RNF130: variants seen among roughly 807,000 people sequenced by gnomAD.
RNF130 encodes the protein E3 ubiquitin-protein ligase RNF130.
Under a neutral mutation model 44.6 loss-of-function variants are expected in RNF130, and 21 were observed. That is an observed-to-expected ratio of 0.47 (90% confidence interval 0.33 to 0.68). The LOEUF (loss-of-function observed/expected upper bound fraction) is 0.68, where lower values mean the gene tolerates loss of function less well. Among genes scored for constraint, RNF130 ranks in the 30% least tolerant of loss-of-function variants. The pLI is 0.02. For missense variants in RNF130, 479 were observed against 560.6 expected, an observed-to-expected ratio of 0.85 and a Z score of 1.47; for synonymous variants, 214 against 210.4, an observed-to-expected ratio of 1.02 and a Z score of -0.15.
chr5:180,058,044 C>A (rs1582228273), intron 1 of RNF130, among the ~76,000 whole-genome samples: 1 of 152,166 alleles, frequency 6.6e-6, no homozygotes, highest in South Asian at 2.1e-4. Flanking sequence ...AAAATCCACA[C>A]ATTTGGTATC....
chr5:179,945,916 G>A (rs1762030377), intron 7 of RNF130, among the ~76,000 whole-genome samples: 1 of 39,092 alleles, frequency 2.6e-5, no homozygotes, highest in Non-Finnish European at 7.1e-5. Flanking sequence ...GAAAAAGGCG[G>A]GGGCAGGGAT....
rs56691249 is a variant in RNF130 at position 180,019,383 on chromosome 5, C to CAA, written c.443-6074_443-6073dup. Reference sequence around the variant, plus strand: ...TGGGCGACAGAGCGAGACTCTGTCTCAAAAAAAAAAAAAAAAATCACTTTG... The same window carrying CAA: ...TGGGCGACAGAGCGAGACTCTGTCTCAAAAAAAAAAAAAAAAAAATCACTTTG... On this transcript the variant is annotated intron_variant, in intron 2 of 8. Transcript: ENST00000521389. Among the ~76,000 whole-genome samples the CAA allele has an allele frequency of 4.1e-3, 462 of 111,802 alleles. 4 individuals are homozygous for CAA. The highest frequency in any genetic ancestry group is 0.013 in the Middle Eastern group (3 of 226). 73.3% of individuals were successfully genotyped at this position (111,802 alleles called of 152,430 possible).
At position 179,920,791 on chromosome 5, in the gene RNF130, A is replaced by ATT. The variant is rs1385471717; in HGVS notation, c.1151-366_1151-365insAA. Among the ~76,000 whole-genome samples, 58 of 134,900 alleles carry ATT rather than the reference A, an allele frequency of 4.3e-4. 1 individual carries two copies. The highest frequency in any genetic ancestry group is 1.9e-3 in the African/African-American group (53 of 28,282). The allele number at this position is 134,900 out of a possible 152,430, so 88.5% of individuals were successfully genotyped here. A position where few individuals can be genotyped will look rare whatever the true frequency, so the allele number is the denominator to read the frequency against. The stretch of plus-strand genomic sequence containing the variant: ...TGGGCATATATATTTATATATATAT[A>ATT]TATATTTTTTTTTTTGAGATGGAGT... On this transcript the variant is annotated intron_variant, in intron 7 of 7. Coordinates refer to the RNF130 transcript ENST00000522208.
intron 8 of RNF130, among the ~76,000 whole-genome samples, chr5:179,959,584 G>A (rs1334873215): frequency 1.3e-5 from 2 of 150,514 alleles, no homozygotes; most frequent in East Asian, 2.0e-4. Context: ...CTGAGATGGC[G>A]CCACTGTACT....
At chr5:179,976,517 C>A (rs571436607) in intron 5 of RNF130, among the ~76,000 whole-genome samples, 2 of 152,120 alleles carry the variant, frequency 1.3e-5, no homozygotes, top group South Asian at 2.1e-4. Context: ...TTTAGCCTCA[C>A]GTTTAGACCG....
intron 2 of RNF130, among the ~76,000 whole-genome samples, chr5:180,014,837 T>C (rs1763681672): frequency 6.6e-6 from 1 of 152,002 alleles, no homozygotes; most frequent in South Asian, 2.1e-4. Context: ...AACAGGAACA[T>C]TAGCTAGGCA....
intron 8 of RNF130, among the ~76,000 whole-genome samples, chr5:179,960,424 TTTTTGATGG>T (rs1260144657): frequency 6.6e-6 from 1 of 152,252 alleles, no homozygotes; most frequent in Non-Finnish European, 1.5e-5. Flanking sequence ...ACACAAGGGC[TTTTTGATGG>T]ACTTCTGATT....
chr5:179,913,345 C>T (rs1419885155), exon 8 of RNF130: 3 of 150,110 alleles, frequency 2.0e-5, no homozygotes, highest in South Asian at 2.1e-4. Context: ...AGTTGCAGGA[C>T]GTTCAAAGGT....
Position 180,071,757 on chromosome 5 carries a change from G to A in RNF130, c.-55C>T. 9.5e-7 allele frequency: 1 copy of A among 1,056,798 alleles called. No individual in the cohort carries two copies. The highest frequency in any genetic ancestry group is 1.1e-6 in the Non-Finnish European group (1 of 876,620). The allele number at this position is 1,056,798 out of a possible 1,614,324, so 65.5% of individuals were successfully genotyped here. A position where few individuals can be genotyped will look rare whatever the true frequency, so the allele number is the denominator to read the frequency against. On this transcript the variant is annotated 5_prime_UTR_variant, in exon 1 of 9. Transcript: ENST00000521389. Reference sequence around the variant, plus strand: ...GACCGGGCTCCGGGGCCGGCGCCTAGAGGCGGGGCGGGCGCGGCCCGGGCG... The same window carrying A: ...GACCGGGCTCCGGGGCCGGCGCCTAAAGGCGGGGCGGGCGCGGCCCGGGCG...
intron 8 of RNF130, among the ~76,000 whole-genome samples, chr5:179,958,003 A>G (rs531672406): frequency 6.0e-5 from 9 of 150,260 alleles, no homozygotes; most frequent in Non-Finnish European, 1.2e-4. Context: ...TCAGCCTCCC[A>G]AGTAGCTGGG....
At chr5:179,993,058 C>T (rs112853530) in intron 3 of RNF130, among the ~76,000 whole-genome samples, 1 of 152,210 alleles carries the variant, frequency 6.6e-6, no homozygotes, top group East Asian at 1.9e-4. Context: ...ATGAACACAT[C>T]CTTTTTTATG....
At chr5:180,045,508 C>T (rs1561705518) in intron 1 of RNF130, among the ~76,000 whole-genome samples, 1 of 152,204 alleles carries the variant, frequency 6.6e-6, no homozygotes, top group Non-Finnish European at 1.5e-5. Context: ...GAACAAAGCT[C>T]CCACAGCGCG....
At chr5:180,037,929 C>T (rs1049348616) in intron 2 of RNF130, among the ~76,000 whole-genome samples, 1 of 152,200 alleles carries the variant, frequency 6.6e-6, no homozygotes, top group African/African-American at 2.4e-5. Flanking sequence ...AATATATCCT[C>T]AAACTATACC....
chr5:179,979,714 G>T (rs1762790295), intron 4 of RNF130, among the ~76,000 whole-genome samples: 1 of 152,152 alleles, frequency 6.6e-6, no homozygotes, highest in Non-Finnish European at 1.5e-5. Context: ...GACACACTTT[G>T]CTCTTCTTTC....
downstream of RNF130, among the ~76,000 whole-genome samples, chr5:179,954,292 C>A (rs147574375): frequency 1.1e-3 from 161 of 152,300 alleles, no homozygotes; most frequent in Non-Finnish European, 1.8e-3. Context: ...AAAATTTGTA[C>A]ATGAATGTTC....
At chr5:179,987,066 T>C (rs1238417058) in intron 3 of RNF130, among the ~76,000 whole-genome samples, 1 of 152,238 alleles carries the variant, frequency 6.6e-6, no homozygotes, top group Non-Finnish European at 1.5e-5. Context: ...TTGTTTTTTT[T>C]CTACATATGG....
chr5:179,959,863 C>A (rs1762287680), intron 8 of RNF130, among the ~76,000 whole-genome samples: 1 of 152,154 alleles, frequency 6.6e-6, no homozygotes, highest in South Asian at 2.1e-4. Flanking sequence ...TTTACCACTT[C>A]AGATTCATTT....
At chr5:180,063,525 ACACTGAAGTAAAGATAC>A (rs1765033771) in intron 1 of RNF130, among the ~76,000 whole-genome samples, 1 of 152,210 alleles carries the variant, frequency 6.6e-6, no homozygotes, top group South Asian at 2.1e-4. Context: ...TGTCTTTGTG[ACACTGAAGTAAAGATAC>A]CAATAGGAAG....
intron 1 of RNF130, among the ~76,000 whole-genome samples, chr5:180,062,242 AG>A (rs1765004637): frequency 6.6e-6 from 1 of 151,832 alleles, no homozygotes; most frequent in Admixed American, 6.6e-5. Flanking sequence ...TTATTTTTTT[AG>A]TAGAGATGGG....
Sources: gnomAD v4.1 joint callset for allele counts (sites outside exome capture counted in the v4.1 genomes callset) on GRCh38, gnomAD v4.1.1 for gene constraint, MANE v1.5 for transcripts, NCBI Gene and HGNC (gene_info 2026-07-23, HGNC 2026-07-21) for gene names.